The following CDH19 variants were observed in gnomAD, a reference collection of about 807,000 sequenced individuals.
CDH19 encodes the protein cadherin-19.
A neutral mutation model predicts 64.2 loss-of-function variants in CDH19; 67 were observed. The observed-to-expected ratio is 1.04, with a 90% CI of 0.86 to 1.28. CDH19 has a LOEUF of 1.28. Ranked by LOEUF, CDH19 falls within the 50% of genes most tolerant of loss-of-function variation. CDH19 has a pLI of 0.00. For missense variants in CDH19, 1,030 were observed against 929.0 expected (o/e 1.11, Z -1.41); for synonymous variants, 346 against 319.3 (o/e 1.08, Z -0.89).
intron 8 of CDH19, among the ~76,000 whole-genome samples, chr18:66,530,256 G>T (rs1986391413): frequency 1.3e-5 from 2 of 151,920 alleles, no homozygotes; most frequent in South Asian, 4.1e-4. Flanking sequence ...TAAAATAAGG[G>T]TATACGGAGA....
At chr18:66,564,822 T>C (rs1156765381) in intron 3 of CDH19, among the ~76,000 whole-genome samples, 1 of 151,722 alleles carries the variant, frequency 6.6e-6, no homozygotes, top group Non-Finnish European at 1.5e-5. Flanking sequence ...TTTGGTTTAA[T>C]TGCTTATTAA....
At chr18:66,545,417 T>C (rs72954436) in intron 5 of CDH19, among the ~76,000 whole-genome samples, 52 of 113,322 alleles carry the variant, frequency 4.6e-4, no homozygotes, top group Non-Finnish European at 8.5e-4. Flanking sequence ...TCCTTCCTTC[T>C]TTCCTTCCTT....
chr18:66,514,701 T>C (rs919754191), intron 9 of CDH19, among the ~76,000 whole-genome samples: 1 of 151,600 alleles, frequency 6.6e-6, no homozygotes, highest in African/African-American at 2.4e-5. Flanking sequence ...AAGATAATCA[T>C]TTGCCTGCTA....
In CDH19 at chr18:66,505,165, T is replaced by C; in HGVS notation, c.1966A>G (p.Ile656Val). 1 of 1,613,504 alleles carries C rather than the reference T, an allele frequency of 6.2e-7. No individual in the cohort carries two copies. The change falls in exon 12 of 12, where the codon ATA becomes GTA. Residue 656 changes from isoleucine (I) to valine (V), a missense_variant. Ile to Val is a conservative substitution (Grantham distance 29, BLOSUM62 3). Transcript: ENST00000262150. The part of the protein sequence containing the change: ...GGEEDTEAFD[I>V]AELRSSTIMR... ...ATGGTACTACTCCTCAGCTCTGCTA[T>C]ATCAAAGGCCTCTGTATCTTCTTCT...
rs555832402 is a variant in CDH19, at chr18:66,539,793, G to T, written c.1214+4178C>A. ...ACTGGAACTGCTCTTTTTTTATGAA[G>T]CTATTTAACTGACTTTTTGGTGGTA... On this transcript the variant is annotated intron_variant, in intron 7 of 11. Transcript: ENST00000262150. Among the ~76,000 whole-genome samples the T allele has an allele frequency of 2.0e-5, 3 of 151,806 alleles. No homozygotes were observed. In the South Asian group the frequency reaches 6.2e-4, roughly 32 times the overall value.
At chr18:66,542,621 T>C (rs1038154637) in intron 7 of CDH19, among the ~76,000 whole-genome samples, 2 of 152,192 alleles carry the variant, frequency 1.3e-5, no homozygotes, top group African/African-American at 4.8e-5. Context: ...TTTGAACTCC[T>C]TTAAGTGGTA....
rs1319728757 is a variant in CDH19 at position 66,532,720 on chromosome 18, TG to T, written c.1336+2265del. ...ATACAGCATCCCTATATCCTAGATG[TG>T]GGGAAGGATAGGAGACTCATTTTAG... On this transcript the variant is annotated intron_variant, in intron 8 of 11. Coordinates refer to ENST00000262150, the MANE Select transcript of CDH19 (RefSeq NM_021153.4). 8.8e-6 allele frequency: 4 copies of T among 452,246 alleles called. No homozygotes were observed. In the Admixed American group the frequency reaches 9.5e-5, roughly 11 times the overall value. 28.0% of individuals were successfully genotyped at this position (452,246 alleles called of 1,614,324 possible).
chr18:66,560,070 T>G (rs1435977657), intron 3 of CDH19, among the ~76,000 whole-genome samples: 1 of 152,102 alleles, frequency 6.6e-6, no homozygotes, highest in East Asian at 1.9e-4. Context: ...AGTCTCACTC[T>G]GTCGCCCAGG....
At position 66,549,110 on chromosome 18, in the gene CDH19, C is replaced by T. The variant is rs536896381; in HGVS notation, c.775+1984G>A. Among the ~76,000 whole-genome samples, 24 of 152,154 alleles carry T rather than the reference C, an allele frequency of 1.6e-4. 1 individual carries two copies. In the South Asian group the frequency reaches 5.0e-3, roughly 32 times the overall value. ...GAGGCCAGAATCAGATTCACCCACA[C>T]TCGTATATGAGTGAAAGTATTAAGA... On this transcript the variant is annotated intron_variant, in intron 5 of 11. Transcript: ENST00000262150.
At chr18:66,587,452 C>T (rs1988609896) in intron 1 of CDH19, among the ~76,000 whole-genome samples, 1 of 151,838 alleles carries the variant, frequency 6.6e-6, no homozygotes, top group Non-Finnish European at 1.5e-5. Flanking sequence ...AATGACTAAT[C>T]GGATGAAATG....
chr18:66,567,608 G>A (rs1433895339), intron 3 of CDH19, among the ~76,000 whole-genome samples: 1 of 151,714 alleles, frequency 6.6e-6, no homozygotes, highest in Non-Finnish European at 1.5e-5. Flanking sequence ...TGTATTTTTG[G>A]AATCATTGGC....
chr18:66,578,180 C>A (rs552220366), intron 1 of CDH19, among the ~76,000 whole-genome samples: 38 of 151,846 alleles, frequency 2.5e-4, no homozygotes, highest in Admixed American at 4.0e-4. Context: ...ATGTGGTCTA[C>A]CTCAGATGAT....
chr18:66,502,454 G>A lies in CDH19; in HGVS notation c.*2358C>T, dbSNP rs1164171107. On this transcript the variant is annotated 3_prime_UTR_variant, in exon 12 of 12. Coordinates refer to ENST00000262150, the MANE Select transcript of CDH19 (RefSeq NM_021153.4). ...ATCCAAATGTATTCATTGTTTATAA[G>A]GCTTTTATTCATACAAAATTTCCGT... 1 of 151,796 alleles carries A rather than the reference G, an allele frequency of 6.6e-6. No homozygotes were observed. The highest frequency in any genetic ancestry group is 2.4e-5 in the African/African-American group (1 of 41,352). The allele number at this position is 151,796 out of a possible 1,614,324, so 9.4% of individuals were successfully genotyped here.
intron 1 of CDH19, among the ~76,000 whole-genome samples, chr18:66,598,724 T>C (rs1988966871): frequency 6.6e-6 from 1 of 152,068 alleles, no homozygotes; most frequent in South Asian, 2.1e-4. Flanking sequence ...AAACTATCTG[T>C]CAGGTAGTAT....
At chr18:66,543,855 C>G (rs1986992083) in intron 7 of CDH19, 116 bp downstream of exon 7, 1 of 754,408 alleles carries the variant, frequency 1.3e-6, no homozygotes, top group Non-Finnish European at 2.1e-6. Flanking sequence ...TGTACTCGAG[C>G]CTAGAAGACA....
intron 1 of CDH19, among the ~76,000 whole-genome samples, chr18:66,591,907 T>C (rs1988758061): frequency 6.6e-6 from 1 of 151,870 alleles, no homozygotes; most frequent in Admixed American, 6.6e-5. Flanking sequence ...CATATTTATC[T>C]CTTTTCTAAT....
At chr18:66,548,756 G>C (rs2144506224) in intron 5 of CDH19, among the ~76,000 whole-genome samples, 1 of 152,260 alleles carries the variant, frequency 6.6e-6, no homozygotes, top group African/African-American at 2.4e-5. Context: ...GAAACAATAA[G>C]TATGAACAAT....
chr18:66,573,902 C>CACACAT (rs1194590318), intron 1 of CDH19, among the ~76,000 whole-genome samples: 2 of 150,630 alleles, frequency 1.3e-5, no homozygotes, highest in Admixed American at 1.3e-4. Context: ...GCCACACACA[C>CACACAT]ACACACACAC....
chr18:66,577,876 G>C (rs117421166), intron 1 of CDH19, among the ~76,000 whole-genome samples: 1 of 151,832 alleles, frequency 6.6e-6, no homozygotes, highest in Non-Finnish European at 1.5e-5. Context: ...ACATTTTCCA[G>C]CTTCTCAAAG....
Sources: allele counts gnomAD v4.1 joint callset (sites outside exome capture counted in the v4.1 genomes callset), GRCh38; gene constraint gnomAD v4.1.1; transcripts MANE v1.5; gene names NCBI Gene and HGNC (gene_info 2026-07-23, HGNC 2026-07-21).